The following GNA14 variants were observed in gnomAD, a reference collection of about 807,000 sequenced individuals.
The protein encoded by GNA14 is guanine nucleotide-binding protein subunit alpha-14.
GNA14 carries 50 observed loss-of-function variants against 42.0 expected under a neutral mutation model. The ratio of observed to expected loss-of-function variants is 1.19; its 90% confidence interval spans 0.95 to 1.51. GNA14 has a LOEUF of 1.51. Among genes scored for constraint, GNA14 ranks in the 40% most tolerant of loss-of-function variants. The pLI is 0.00. For synonymous variants in GNA14, 173 were observed against 163.1 expected, an observed-to-expected ratio of 1.06 and a Z score of -0.46; for missense variants, 473 against 446.2, an observed-to-expected ratio of 1.06 and a Z score of -0.54.
intron 3 of GNA14, 63 bp from the exon 4 acceptor site, chr9:77,431,512 T>G: frequency 6.8e-7 from 1 of 1,460,530 alleles, no homozygotes; most frequent in Admixed American, 1.8e-5. Context: ...TCCATCCTAC[T>G]CAAAGGAAGT....
At chr9:77,437,691 A>C (rs566580532) in intron 2 of GNA14, among the ~76,000 whole-genome samples, 1 of 152,268 alleles carries the variant, frequency 6.6e-6, no homozygotes, top group Non-Finnish European at 1.5e-5. Context: ...TGAGTAATGC[A>C]CCACACTCAT....
At chr9:77,636,795 C>G (rs969000493) in intron 1 of GNA14, among the ~76,000 whole-genome samples, 1 of 152,178 alleles carries the variant, frequency 6.6e-6, no homozygotes, top group East Asian at 1.9e-4. Context: ...GGTCCCACCT[C>G]CAACACTGGG....
chr9:77,499,377 T>G (rs1474176733), intron 2 of GNA14, among the ~76,000 whole-genome samples: 1 of 135,446 alleles, frequency 7.4e-6, no homozygotes, highest in African/African-American at 3.1e-5. Context: ...CTTCATAGTT[T>G]ACAAATTGCT....
At chr9:77,425,807 G>C (rs941770380) in intron 5 of GNA14, 92 bp from the exon 6 acceptor site, 40 of 943,680 alleles carry the variant, frequency 4.2e-5, no homozygotes, top group Admixed American at 7.6e-5. Flanking sequence ...CTCTTCCCTT[G>C]CCCCGCCGCA....
intron 1 of GNA14, among the ~76,000 whole-genome samples, chr9:77,560,859 A>AG (rs1049019672): frequency 3.9e-5 from 6 of 152,170 alleles, no homozygotes; most frequent in African/African-American, 1.4e-4. Flanking sequence ...GGAAAAAAAA[A>AG]AGAGTCCTTT....
chr9:77,602,689 C>G (rs1299574075), intron 1 of GNA14, among the ~76,000 whole-genome samples: 1 of 152,026 alleles, frequency 6.6e-6, no homozygotes, highest in Non-Finnish European at 1.5e-5. Context: ...CATTTATTAC[C>G]TTTGTATTAA....
chr9:77,487,242 G>C (rs1229669510), intron 2 of GNA14, among the ~76,000 whole-genome samples: 1 of 152,130 alleles, frequency 6.6e-6, no homozygotes, highest in East Asian at 1.9e-4. Context: ...TCAGAATGGT[G>C]TGCAATTTAA....
Position 77,618,356 on chromosome 9 carries a change from C to T in GNA14, c.124+29314G>A, listed in dbSNP as rs557899881. On this transcript the variant is annotated intron_variant, in intron 1 of 6. Coordinates refer to ENST00000341700, the MANE Select transcript of GNA14 (RefSeq NM_004297.4). Reference sequence around the variant, plus strand: ...GTAAACTACTTAAGGAGCACAGGTGCTTCTCATGATAGATTTCTAGAATTT... The same window carrying T: ...GTAAACTACTTAAGGAGCACAGGTGTTTCTCATGATAGATTTCTAGAATTT... 9.9e-5 allele frequency among the ~76,000 whole-genome samples: 15 copies of T among 151,726 alleles called. No homozygotes were observed. The South Asian group carries it at 3.1e-3, about 32-fold the overall frequency.
intron 1 of GNA14, among the ~76,000 whole-genome samples, chr9:77,535,705 T>A (rs1014172790): frequency 6.6e-6 from 1 of 152,050 alleles, no homozygotes; most frequent in African/African-American, 2.4e-5. Flanking sequence ...CCTTGTCAGG[T>A]CTAATAATTT....
At chr9:77,514,986 C>A (rs1837228271) in intron 2 of GNA14, among the ~76,000 whole-genome samples, 1 of 152,100 alleles carries the variant, frequency 6.6e-6, no homozygotes, top group African/African-American at 2.4e-5. Flanking sequence ...TCAGGACGTT[C>A]AGGCAGATGG....
chr9:77,562,896 A>G (rs1461226017), intron 1 of GNA14, among the ~76,000 whole-genome samples: 1 of 152,182 alleles, frequency 6.6e-6, no homozygotes, highest in Non-Finnish European at 1.5e-5. Flanking sequence ...TTTCCTGAAT[A>G]GATCATCTTC....
At chr9:77,548,524 G>A (rs948204563) in intron 1 of GNA14, among the ~76,000 whole-genome samples, 9 of 152,072 alleles carry the variant, frequency 5.9e-5, no homozygotes, top group African/African-American at 2.2e-4. Flanking sequence ...CTCTTAAATT[G>A]GACATAATAA....
chr9:77,436,682 T>C (rs1241522975), intron 2 of GNA14, among the ~76,000 whole-genome samples: 2 of 152,182 alleles, frequency 1.3e-5, no homozygotes, highest in Admixed American at 1.3e-4. Flanking sequence ...TCTCTCAATG[T>C]AAAATGTCTG....
chr9:77,579,471 G>A (rs1823181350), intron 1 of GNA14, among the ~76,000 whole-genome samples: 1 of 152,042 alleles, frequency 6.6e-6, no homozygotes, highest in Admixed American at 6.6e-5. Flanking sequence ...TGACCTTGAG[G>A]CACATTCTTT....
At chr9:77,551,090 G>A (rs748694113) in intron 1 of GNA14, among the ~76,000 whole-genome samples, 6 of 152,100 alleles carry the variant, frequency 3.9e-5, no homozygotes, top group Non-Finnish European at 8.8e-5. Context: ...TAGGTTGAAA[G>A]GGAAAATTTT....
chr9:77,480,427 T>C (rs1836522989), intron 2 of GNA14, among the ~76,000 whole-genome samples: 1 of 152,208 alleles, frequency 6.6e-6, no homozygotes, highest in South Asian at 2.1e-4. Context: ...GATAAGCTTT[T>C]TGATGTGCTG....
intron 2 of GNA14, among the ~76,000 whole-genome samples, chr9:77,480,634 T>A (rs931433092): frequency 1.3e-5 from 2 of 152,234 alleles, no homozygotes; most frequent in African/African-American, 2.4e-5. Flanking sequence ...TACCAGCTCC[T>A]CCTTGTACAT....
intron 5 of GNA14, among the ~76,000 whole-genome samples, chr9:77,426,883 A>G (rs1835461017): frequency 6.6e-6 from 1 of 152,048 alleles, no homozygotes; most frequent in African/African-American, 2.4e-5. Flanking sequence ...ATCCAAGCTC[A>G]GCACACACAC....
At chr9:77,587,135 G>T (rs1351472316) in intron 1 of GNA14, among the ~76,000 whole-genome samples, 1 of 151,748 alleles carries the variant, frequency 6.6e-6, no homozygotes, top group Non-Finnish European at 1.5e-5. Flanking sequence ...AAAAAGAAAA[G>T]AAAAGAACAA....
Sources: allele counts gnomAD v4.1 joint callset (sites outside exome capture counted in the v4.1 genomes callset), GRCh38; gene constraint gnomAD v4.1.1; transcripts MANE v1.5; gene names NCBI Gene and HGNC (gene_info 2026-07-23, HGNC 2026-07-21).